MTMR10: variants seen among roughly 807,000 people sequenced by gnomAD.
MTMR10 encodes the protein myotubularin related protein 10, also known as myotubularin-related protein 10.
Under a neutral mutation model 88.1 loss-of-function variants are expected in MTMR10, and 56 were observed. The observed-to-expected ratio is 0.64, with a 90% CI of 0.51 to 0.79. The LOEUF is 0.79. MTMR10 is among the 30% of genes least tolerant of loss of function. MTMR10 has a pLI of 0.00. For synonymous variants in MTMR10, 380 were observed against 340.9 expected, an observed-to-expected ratio of 1.11 and a Z score of -1.26; for missense variants, 883 against 924.7, an observed-to-expected ratio of 0.95 and a Z score of 0.58.
intron 2 of MTMR10, among the ~76,000 whole-genome samples, chr15:30,980,447 C>A (rs1379499671): frequency 1.3e-5 from 2 of 152,344 alleles, no homozygotes; most frequent in East Asian, 3.9e-4. Context: ...GCAGAATGAA[C>A]TTATGCTTGC....
intron 5 of MTMR10, among the ~76,000 whole-genome samples, chr15:30,972,019 A>C (rs955005869): frequency 6.6e-6 from 1 of 152,180 alleles, no homozygotes; most frequent in African/African-American, 2.4e-5. Flanking sequence ...CTTGAATTTC[A>C]TTTTTCAAAA....
At chr15:30,963,202 G>A (rs1483048476) in intron 6 of MTMR10, among the ~76,000 whole-genome samples, 10 of 152,178 alleles carry the variant, frequency 6.6e-5, no homozygotes, top group African/African-American at 2.4e-4. Context: ...TGTGGCTAGT[G>A]GCTCTAGTGG....
chr15:30,938,998 T>C lies in MTMR10; in HGVS notation c.*2472A>G, dbSNP rs8028459. 4.8e-3 allele frequency: 4,777 copies of C among 985,322 alleles called. 165 individuals are homozygous for C. The African/African-American group carries it at 0.076, about 16-fold the overall frequency. 61.0% of individuals were successfully genotyped at this position (985,322 alleles called of 1,614,324 possible). A position where few individuals can be genotyped will look rare whatever the true frequency, so the allele number is the denominator to read the frequency against. On this transcript the variant is annotated 3_prime_UTR_variant, in exon 16 of 16. Transcript: ENST00000435680. ...AAATTTCCTTCACATTCAATACTGT[T>C]GAACAACAAGATAACACATCTTCTT... is the stretch of plus-strand genomic sequence containing the variant.
intron 9 of MTMR10, among the ~76,000 whole-genome samples, chr15:30,956,088 C>T (rs902447531): frequency 2.5e-4 from 38 of 151,514 alleles, no homozygotes; most frequent in African/African-American, 9.0e-4. Context: ...AACAAAATCA[C>T]TCAGAATTCT....
intron 6 of MTMR10, among the ~76,000 whole-genome samples, chr15:30,963,610 C>G (rs1468154856): frequency 6.6e-6 from 1 of 151,916 alleles, no homozygotes; most frequent in East Asian, 1.9e-4. Context: ...GCACTCCAGC[C>G]TGAGCGACAC....
rs1360536567 is a variant in MTMR10 at position 30,972,533 on chromosome 15, T to C, written c.474+1781A>G. On this transcript the variant is annotated intron_variant, in intron 5 of 15. Coordinates refer to ENST00000435680, the MANE Select transcript of MTMR10 (RefSeq NM_017762.3). ...GGCTTGTTTTGTGCAGACGGTTTAG[T>C]AAGGCCCTCTTCATGAACCAGCAGC... Among the ~76,000 whole-genome samples the C allele has an allele frequency of 3.9e-5, 6 of 152,280 alleles. No homozygotes were observed. In the East Asian group the frequency reaches 9.6e-4, roughly 24 times the overall value.
chr15:30,958,976 T>C (rs774549077), intron 8 of MTMR10, 25 bp from the exon 9 acceptor site: 2 of 1,613,668 alleles, frequency 1.2e-6, no homozygotes, highest in African/African-American at 2.7e-5. Context: ...GAATCCTTAC[T>C]TCACTGTGTA....
chr15:30,976,398 G>A (rs1010245257), intron 3 of MTMR10, among the ~76,000 whole-genome samples: 7 of 152,004 alleles, frequency 4.6e-5, no homozygotes, highest in Admixed American at 1.3e-4. Context: ...AAGACAGAGC[G>A]AGATCCAGGC....
At chr15:30,929,455 G>T in the MTMR10 span, 1 of 1,376,274 alleles carries the variant, frequency 7.3e-7, no homozygotes, top group Non-Finnish European at 9.9e-7. Flanking sequence ...CCCCAGTGCT[G>T]TCTTTTCAGC....
chr15:30,959,155 T>C (rs750909671), intron 7 of MTMR10, 34 bp from the exon 8 acceptor site: 5 of 1,528,294 alleles, frequency 3.3e-6, no homozygotes, highest in Non-Finnish European at 4.4e-6. Context: ...ATGAGTGCTG[T>C]GCTAAAAGCA....
Position 30,978,198 on chromosome 15 carries a change from G to A in MTMR10, c.122-1243C>T, listed in dbSNP as rs575331864. Among the ~76,000 whole-genome samples, 9 of 152,138 alleles carry A rather than the reference G, an allele frequency of 5.9e-5. No individual in the cohort carries two copies. In the South Asian group the frequency reaches 1.0e-3, roughly 18 times the overall value. ...CCTATCTAGTTTACATTCACATATC[G>A]AAGCATTGTATTTCCAGCACTCATG... On this transcript the variant is annotated intron_variant, in intron 2 of 15. Transcript: ENST00000435680.
the MTMR10 span, among the ~76,000 whole-genome samples, chr15:30,924,924 C>A: frequency 9.8e-5 from 15 of 152,336 alleles, no homozygotes; most frequent in African/African-American, 3.6e-4. Flanking sequence ...AGCACGTTGA[C>A]TGTGAAGGCT....
intron 9 of MTMR10, among the ~76,000 whole-genome samples, chr15:30,958,551 A>C (rs1455826325): frequency 1.3e-5 from 2 of 152,262 alleles, no homozygotes; most frequent in Non-Finnish European, 2.9e-5. Flanking sequence ...AGTTTGATTT[A>C]TCCTGAAGTG....
rs1344170779 is a variant in MTMR10 at position 30,948,488 on chromosome 15, A to G, written c.1208-17T>C. 1 of 1,582,588 alleles carries G rather than the reference A, an allele frequency of 6.3e-7. No homozygotes were observed. Among genetic ancestry groups the G allele is most frequent in the Non-Finnish European group, 8.6e-7 (1 of 1,163,344 alleles). On this transcript the variant is annotated splice_polypyrimidine_tract_variant and intron_variant, in intron 12 of 15. Transcript: ENST00000435680. ...CTTCCTCCTCTGTTAATAAAATGGA[A>G]AGAAAATGATTACAACATAGAAAAA...
the MTMR10 span, among the ~76,000 whole-genome samples, chr15:30,923,360 G>A: frequency 3.3e-5 from 5 of 152,172 alleles, no homozygotes; most frequent in African/African-American, 1.2e-4. Flanking sequence ...TGTTTCTGTC[G>A]CCTTTCTTTC....
At position 30,939,070 on chromosome 15, in the gene MTMR10, TTA is replaced by T. The variant is rs1381017786; in HGVS notation, c.*2398_*2399del. 1.0e-6 allele frequency: 1 copy of T among 985,340 alleles called. No individual in the cohort carries two copies. Among genetic ancestry groups the T allele is most frequent in the Non-Finnish European group, 1.2e-6 (1 of 829,938 alleles). 61.0% of individuals were successfully genotyped at this position (985,340 alleles called of 1,614,324 possible). A position where few individuals can be genotyped will look rare whatever the true frequency, so the allele number is the denominator to read the frequency against. The stretch of plus-strand genomic sequence containing the variant: ...GTCATCAATTTTAGGCACAAAGGTT[TTA>T]GTTTTCTCGGGAAATCAAGTTTTAA... On this transcript the variant is annotated 3_prime_UTR_variant, in exon 16 of 16. Coordinates refer to ENST00000435680, the MANE Select transcript of MTMR10 (RefSeq NM_017762.3).
rs1181953933 is a variant in MTMR10, at chr15:30,940,187, G to A, written c.*1283C>T. ...TTTAAGCGGGGAATGAGGAGTGTGGGGGAGGTGGTGCCCCGTTTCACTGCT... is the reference window on the plus strand; with the variant it reads ...TTTAAGCGGGGAATGAGGAGTGTGGAGGAGGTGGTGCCCCGTTTCACTGCT... On this transcript the variant is annotated 3_prime_UTR_variant, in exon 16 of 16. Coordinates refer to ENST00000435680, the MANE Select transcript of MTMR10 (RefSeq NM_017762.3). 1 of 985,034 alleles carries A rather than the reference G, an allele frequency of 1.0e-6. No homozygotes were observed. The highest frequency in any genetic ancestry group is 1.8e-5 in the African/African-American group (1 of 57,140). 61.0% of individuals were successfully genotyped at this position (985,034 alleles called of 1,614,324 possible).
intron 14 of MTMR10, among the ~76,000 whole-genome samples, chr15:30,944,168 GAA>G (rs755188310): frequency 2.5e-4 from 38 of 152,314 alleles, no homozygotes; most frequent in Middle Eastern, 3.4e-3. Context: ...GAATCATCAA[GAA>G]ATGGCTAAGC....
intron 2 of MTMR10, 50 bp downstream of exon 2, chr15:30,990,727 A>C: frequency 6.6e-7 from 1 of 1,517,616 alleles, no homozygotes; most frequent in Non-Finnish European, 9.0e-7. Flanking sequence ...AATAATCTTA[A>C]ACCAAAATAC....
Sources: gnomAD v4.1 joint callset for allele counts (sites outside exome capture counted in the v4.1 genomes callset) on GRCh38, gnomAD v4.1.1 for gene constraint, MANE v1.5 for transcripts, NCBI Gene and HGNC (gene_info 2026-07-23, HGNC 2026-07-21) for gene names.